The following LSAMP variants were observed in gnomAD, a reference collection of about 807,000 sequenced individuals.
The protein encoded by LSAMP is limbic system-associated membrane protein.
In LSAMP, 7 loss-of-function variants were observed where a neutral mutation model predicts 38.6. The ratio of observed to expected loss-of-function variants is 0.18; its 90% CI spans 0.10 to 0.34. The LOEUF (loss-of-function observed/expected upper bound fraction) is 0.34, where lower values mean the gene tolerates loss of function less well. Ranked by LOEUF, LSAMP falls within the 10% of genes least tolerant of loss-of-function variation. LSAMP has a pLI of 1.00. For synonymous variants in LSAMP, 154 were observed against 166.8 expected (o/e 0.92, Z 0.59); for missense variants, 313 against 420.0 (o/e 0.75, Z 2.23).
chr3:116,227,784 G>T (rs2046358903), intron 1 of LSAMP, among the ~76,000 whole-genome samples: 1 of 151,976 alleles, frequency 6.6e-6, no homozygotes, highest in African/African-American at 2.4e-5. Flanking sequence ...GGAAATAATT[G>T]ATTCACATTT....
chr3:115,912,883 G>A (rs963738308), intron 3 of LSAMP, among the ~76,000 whole-genome samples: 1 of 152,108 alleles, frequency 6.6e-6, no homozygotes, highest in Non-Finnish European at 1.5e-5. Flanking sequence ...GGAACTTATG[G>A]CCATGCTGTT....
intron 1 of LSAMP, among the ~76,000 whole-genome samples, chr3:116,241,239 G>A (rs1050022876): frequency 1.3e-5 from 2 of 149,612 alleles, no homozygotes; most frequent in African/African-American, 4.9e-5. Context: ...TCCTGTCCAA[G>A]GTTTCATGTA....
In LSAMP at chr3:116,011,434, C is replaced by T. The variant is rs542802436; in HGVS notation, c.514+8081G>A. ...GGCCAAAAAGCAAGTGAATAAAGTA[C>T]ACTCTTGAAATATAAAAGGAGTATA... On this transcript the variant is annotated intron_variant, in intron 3 of 6. Transcript: ENST00000490035. Among the ~76,000 whole-genome samples, 4 of 152,216 alleles carry T rather than the reference C, an allele frequency of 2.6e-5. No homozygotes were observed. The South Asian group carries it at 6.2e-4, about 24-fold the overall frequency.
At chr3:115,967,476 T>C (rs1237462234) in intron 3 of LSAMP, among the ~76,000 whole-genome samples, 3 of 152,176 alleles carry the variant, frequency 2.0e-5, no homozygotes, top group Admixed American at 6.5e-5. Context: ...CCCTCCAAAC[T>C]GTTCCAACCT....
intron 2 of LSAMP, among the ~76,000 whole-genome samples, chr3:116,038,408 T>C (rs1191141883): frequency 1.9e-4 from 29 of 152,176 alleles, no homozygotes. Flanking sequence ...AATAAATGTA[T>C]CAGTGAAGGC....
chr3:115,888,648 T>C (rs1936517120), intron 3 of LSAMP, among the ~76,000 whole-genome samples: 1 of 151,928 alleles, frequency 6.6e-6, no homozygotes, highest in African/African-American at 2.4e-5. Flanking sequence ...ACTTCCACAC[T>C]TATTGCTTGG....
intron 3 of LSAMP, among the ~76,000 whole-genome samples, chr3:115,928,750 C>G (rs1362729167): frequency 6.6e-6 from 1 of 152,138 alleles, no homozygotes; most frequent in Non-Finnish European, 1.5e-5. Context: ...GTTGAGGAAA[C>G]TTAACCCCAA....
chr3:116,206,578 T>C (rs2046072661), intron 1 of LSAMP, among the ~76,000 whole-genome samples: 2 of 137,652 alleles, frequency 1.5e-5, no homozygotes, highest in East Asian at 2.3e-4. Context: ...GCTTTGAATG[T>C]GTCCCAGAGA....
chr3:115,842,360 A>C, intron 5 of LSAMP, 98 bp downstream of exon 5: 1 of 1,447,246 alleles, frequency 6.9e-7, no homozygotes, highest in South Asian at 1.4e-5. Context: ...ATAGTTCTAC[A>C]TAATTACAAC....
intron 1 of LSAMP, among the ~76,000 whole-genome samples, chr3:116,316,795 AGAG>A (rs1451534845): frequency 6.8e-6 from 1 of 147,782 alleles, no homozygotes; most frequent in African/African-American, 2.5e-5. Context: ...AAAAAAAAAA[AGAG>A]AAAGAAAGAA....
At chr3:116,389,365 C>G (rs556214358) in intron 1 of LSAMP, among the ~76,000 whole-genome samples, 1 of 152,186 alleles carries the variant, frequency 6.6e-6, no homozygotes, top group Admixed American at 6.5e-5. Flanking sequence ...GTCTAACAGA[C>G]TGATAGGCAG....
chr3:116,183,097 G>T (rs1288704867), intron 1 of LSAMP, among the ~76,000 whole-genome samples: 1 of 151,790 alleles, frequency 6.6e-6, no homozygotes, highest in Non-Finnish European at 1.5e-5. Flanking sequence ...TATTAGTTTT[G>T]ATACACATTG....
intron 3 of LSAMP, among the ~76,000 whole-genome samples, chr3:115,921,952 A>T (rs944790186): frequency 6.6e-6 from 1 of 152,138 alleles, no homozygotes; most frequent in Admixed American, 6.5e-5. Flanking sequence ...TATGTGATAT[A>T]TTGCATTTCT....
chr3:115,889,224 C>T (rs1466904641), intron 3 of LSAMP, among the ~76,000 whole-genome samples: 1 of 151,916 alleles, frequency 6.6e-6, no homozygotes, highest in Non-Finnish European at 1.5e-5. Flanking sequence ...AGTTAGTTGT[C>T]ATTCTACCTA....
chr3:116,383,054 A>G (rs2048581956), intron 1 of LSAMP, among the ~76,000 whole-genome samples: 1 of 152,184 alleles, frequency 6.6e-6, no homozygotes, highest in African/African-American at 2.4e-5. Flanking sequence ...AAACTGAGAT[A>G]AAAAGGGATC....
intron 3 of LSAMP, among the ~76,000 whole-genome samples, chr3:115,991,903 C>G (rs1233188949): frequency 6.6e-6 from 1 of 151,952 alleles, no homozygotes; most frequent in African/African-American, 2.4e-5. Context: ...ATGCCATGCC[C>G]CAGGGTAAAG....
chr3:116,113,420 A>ATTTTTTTTTTTT (rs374608044), intron 1 of LSAMP, among the ~76,000 whole-genome samples: 1 of 51,028 alleles, frequency 2.0e-5, no homozygotes, highest in African/African-American at 9.6e-5. Context: ...ATATATATAT[A>ATTTTTTTTTTTT]TTTTTTTTTT....
intron 1 of LSAMP, among the ~76,000 whole-genome samples, chr3:116,223,559 G>A (rs1473332493): frequency 6.6e-6 from 1 of 152,090 alleles, no homozygotes; most frequent in Non-Finnish European, 1.5e-5. Flanking sequence ...TAGAAAAACA[G>A]ACCGTAAAAC....
At chr3:116,161,960 T>C (rs76408122) in intron 1 of LSAMP, among the ~76,000 whole-genome samples, 9,331 of 151,782 alleles carry the variant, frequency 0.061, 370 homozygotes, top group Middle Eastern at 0.1. Context: ...AATAGCGGAT[T>C]TGAATGCAGA....
Sources: gnomAD v4.1 joint callset for allele counts (sites outside exome capture counted in the v4.1 genomes callset) on GRCh38, gnomAD v4.1.1 for gene constraint, MANE v1.5 for transcripts, NCBI Gene and HGNC (gene_info 2026-07-23, HGNC 2026-07-21) for gene names.